PRKD2: variants seen among roughly 807,000 people sequenced by gnomAD.
PRKD2 encodes the protein serine/threonine-protein kinase D2.
A neutral mutation model predicts 86.0 loss-of-function variants in PRKD2; 22 were observed. The observed-to-expected ratio is 0.26, with a 90% confidence interval of 0.18 to 0.37. The LOEUF (loss-of-function observed/expected upper bound fraction) is 0.37, where lower values mean the gene tolerates loss of function less well. Ranked by LOEUF, PRKD2 falls within the 10% of genes least tolerant of loss-of-function variation. The probability of loss-of-function intolerance (pLI) is 1.00; values close to 1 mark genes in which losing one functional copy is unlikely to be tolerated. For synonymous variants in PRKD2, 509 were observed against 510.9 expected, an observed-to-expected ratio of 1.00 and a Z score of 0.05; for missense variants, 818 against 1,199.2, an observed-to-expected ratio of 0.68 and a Z score of 4.70.
chr19:46,703,958 A>AACACACACAC (rs10528388), intron 5 of PRKD2, among the ~76,000 whole-genome samples: 8,806 of 133,572 alleles, frequency 0.066, 368 homozygotes, highest in African/African-American at 0.11. Flanking sequence ...AAACAACAAC[A>AACACACACAC]ACACACACAC....
At chr19:46,715,992 G>T in intron 1 of PRKD2, 139 bp downstream of exon 1, 1 of 1,321,766 alleles carries the variant, frequency 7.6e-7, no homozygotes, top group Middle Eastern at 2.7e-4. Context: ...ATGGAGGGGG[G>T]CAATGCCCCC....
chr19:46,707,163 A>G (rs565264984), intron 3 of PRKD2, among the ~76,000 whole-genome samples: 19 of 151,310 alleles, frequency 1.3e-4, no homozygotes, highest in African/African-American at 4.4e-4. Flanking sequence ...AAGTGCTGGG[A>G]TTACAGGTGT....
At chr19:46,700,065 G>A (rs374757346) in intron 7 of PRKD2, among the ~76,000 whole-genome samples, 1 of 149,292 alleles carries the variant, frequency 6.7e-6, no homozygotes, top group South Asian at 2.2e-4. Context: ...GCAAAACCCT[G>A]TCTCTACTAA....
intron 14 of PRKD2, among the ~76,000 whole-genome samples, chr19:46,685,092 C>T (rs2053376298): frequency 6.6e-6 from 1 of 151,670 alleles, no homozygotes; most frequent in South Asian, 2.1e-4. Flanking sequence ...AACCCCGTCT[C>T]TACTAAAAAT....
At chr19:46,701,542 G>A (rs1214045122) in intron 5 of PRKD2, among the ~76,000 whole-genome samples, 2 of 151,698 alleles carry the variant, frequency 1.3e-5, no homozygotes, top group Admixed American at 6.6e-5. Context: ...TAGTAGAGAC[G>A]GGGTTTCGCC....
rs2053684977 is a variant in PRKD2, at chr19:46,704,580, C to T, written c.581G>A (p.Arg194Gln). ...IPNNCSGARK[R>Q]RLSSTSLASG... ...GGCCAGAGACGTGGATGACAGGCGC[C>T]GTTTGCGGGCCCCACTACAGTTGTT... Residue 194 changes from arginine to glutamine, a missense_variant, in exon 4 of 18, where the codon CGG becomes CAG. By Grantham distance (43) the Arg-to-Gln change is conservative (BLOSUM62 1). Transcript: ENST00000291281. 1 of 1,613,936 alleles carries T rather than the reference C, an allele frequency of 6.2e-7. No homozygotes were observed. The highest frequency in any genetic ancestry group is 8.5e-7 in the Non-Finnish European group (1 of 1,179,990).
At position 46,675,067 on chromosome 19, in the gene PRKD2, C is replaced by T. The variant is rs373418059; in HGVS notation, c.2390G>A (p.Ser797Asn). 1.6e-5 allele frequency: 25 copies of T among 1,611,330 alleles called. No individual in the cohort carries two copies. The highest frequency in any genetic ancestry group is 2.1e-5 in the Non-Finnish European group (25 of 1,178,572). Reference protein sequence around the residue: ...LLQVKMRKRYSVDKSLSHPWL... With the variant: ...LLQVKMRKRYNVDKSLSHPWL... ...GGGGTGGCTGAGAGATTTGTCCACG[C>T]TGTAGCGTTTGCGCATCTTCACCTG... Residue 797 changes from serine (S) to asparagine (N), a missense_variant, in exon 17 of 18, where the codon AGC becomes AAC. By Grantham distance (46) the Ser-to-Asn change is conservative (BLOSUM62 1). This residue lies in a region of PRKD2 where 132 missense variants were observed against 146.2 expected (regional missense o/e 0.90). Transcript: ENST00000291281.
Position 46,700,785 on chromosome 19 carries a change from G to C in PRKD2, c.1121+14C>G. The C allele has an allele frequency of 6.2e-7, 1 of 1,603,390 alleles. No individual in the cohort carries two copies. Among genetic ancestry groups the C allele is most frequent in the Non-Finnish European group, 8.5e-7 (1 of 1,171,018 alleles). On this transcript the variant is annotated intron_variant, in intron 7 of 17. Coordinates refer to ENST00000291281, the MANE Select transcript of PRKD2 (RefSeq NM_016457.5). The stretch of plus-strand genomic sequence containing the variant: ...GGTCTTCCCCCAGGGTCTCTTGGAG[G>C]GTTCTGTGTATACCTCTGGGCCTTG...
Position 46,693,238 on chromosome 19 carries a change from C to G in PRKD2, c.1576+637G>C, listed in dbSNP as rs1057281549. Among the ~76,000 whole-genome samples, 2 of 152,172 alleles carry G rather than the reference C, an allele frequency of 1.3e-5. No individual in the cohort carries two copies. Among genetic ancestry groups the G allele is most frequent in the East Asian group, 3.9e-4 (2 of 5,192 alleles). On this transcript the variant is annotated intron_variant, in intron 10 of 17. Coordinates refer to ENST00000291281, the MANE Select transcript of PRKD2 (RefSeq NM_016457.5). This position sits in a 1 kb window ranked among gnomAD's most constrained non-coding sequence, Gnocchi z 4.5. ...ACTCTCTGAAGATGGGTATTCTGCC[C>G]TACTGGACTCTGAGCCCCATGAGGG...
chr19:46,677,698 C>T (rs2053229966), intron 16 of PRKD2, among the ~76,000 whole-genome samples: 1 of 152,204 alleles, frequency 6.6e-6, no homozygotes, highest in African/African-American at 2.4e-5. Context: ...CCAGCCACAA[C>T]ACCAAAGCCC....
rs2053627641 is a variant in PRKD2, at chr19:46,701,018, T to TC, written c.967+16dup. ...TGCCCCTTCCCCTTTCTCCCCAGCA[T>TC]CCCCCCAGCCTCTCACCTCCATTGA... On this transcript the variant is annotated intron_variant, in intron 6 of 17. Transcript: ENST00000291281. 1 of 1,613,644 alleles carries TC rather than the reference T, an allele frequency of 6.2e-7. No individual in the cohort carries two copies. The highest frequency in any genetic ancestry group is 1.3e-5 in the African/African-American group (1 of 74,766).
intron 10 of PRKD2, among the ~76,000 whole-genome samples, chr19:46,692,421 C>A (rs1328732169): frequency 1.3e-5 from 2 of 152,016 alleles, no homozygotes; most frequent in Admixed American, 1.3e-4. Context: ...TTCTAAAGTC[C>A]GATCCTTCTG....
In PRKD2 at chr19:46,678,435, T is replaced by A. The variant is rs370149673; in HGVS notation, c.2299A>T (p.Met767Leu). The change falls in exon 16 of 18, where the codon ATG becomes TTG. Residue 767 changes from methionine (M) to leucine (L), a missense_variant. By Grantham distance (15) the Met-to-Leu change is conservative (BLOSUM62 2). Coordinates refer to ENST00000291281, the MANE Select transcript of PRKD2 (RefSeq NM_016457.5). This position sits in a 1 kb window ranked among gnomAD's most constrained non-coding sequence, Gnocchi z 5.7. Reference protein sequence around the residue: ...INDQIQNAAFMYPASPWSHIS... With the variant: ...INDQIQNAAFLYPASPWSHIS... Reference sequence around the variant, plus strand: ...TGGCTCCAGGGGCTGGCCGGGTACATGAAGGCGGCGTTCTGGATCTGGTCA... The same window carrying A: ...TGGCTCCAGGGGCTGGCCGGGTACAAGAAGGCGGCGTTCTGGATCTGGTCA... 6.2e-7 allele frequency: 1 copy of A among 1,613,980 alleles called. No homozygotes were observed.
chr19:46,695,901 C>T (rs1046531804), intron 9 of PRKD2, among the ~76,000 whole-genome samples: 14 of 152,140 alleles, frequency 9.2e-5, no homozygotes, highest in Admixed American at 2.0e-4. Context: ...TGCAGTGACG[C>T]GATCTCAGCT....
intron 5 of PRKD2, 81 bp downstream of exon 5, chr19:46,704,088 C>T: frequency 1.3e-6 from 2 of 1,577,826 alleles, no homozygotes; most frequent in Non-Finnish European, 1.7e-6. Flanking sequence ...AGGCTCAGAT[C>T]CTTGTGTCCT....
chr19:46,709,580 C>T (rs922570943), intron 3 of PRKD2, among the ~76,000 whole-genome samples: 2 of 152,116 alleles, frequency 1.3e-5, no homozygotes, highest in African/African-American at 2.4e-5. Flanking sequence ...AGGCTGGTCT[C>T]GAACTCCTGA....
intron 7 of PRKD2, among the ~76,000 whole-genome samples, chr19:46,698,558 T>C (rs1210090391): frequency 6.6e-6 from 1 of 152,218 alleles, no homozygotes; most frequent in African/African-American, 2.4e-5. Flanking sequence ...AGTCCAGCAA[T>C]TGTGGAGCCA....
intron 13 of PRKD2, among the ~76,000 whole-genome samples, chr19:46,690,156 C>A (rs1209135417): frequency 6.6e-6 from 1 of 152,082 alleles, no homozygotes; most frequent in Non-Finnish European, 1.5e-5. Context: ...AATCCATACC[C>A]CCTCTCACAT....
chr19:46,691,888 G>C, intron 11 of PRKD2, 45 bp downstream of exon 11: 2 of 1,611,304 alleles, frequency 1.2e-6, no homozygotes, highest in Non-Finnish European at 1.7e-6. Flanking sequence ...GAGCTGAGGA[G>C]GGTTTGTGGG....
Sources: gnomAD v4.1 joint callset for allele counts (sites outside exome capture counted in the v4.1 genomes callset) on GRCh38, gnomAD v4.1.1 for gene constraint, gnomAD v4.1.1 regional missense constraint, Gnocchi (gnomAD v3.1) non-coding constraint, MANE v1.5 for transcripts, NCBI Gene and HGNC (gene_info 2026-07-23, HGNC 2026-07-21) for gene names.